TNFSF4: variants seen among roughly 807,000 people sequenced by gnomAD.
The protein encoded by TNFSF4 is TNF superfamily member 4.
Under a neutral mutation model 7.3 loss-of-function variants are expected in TNFSF4, and 4 were observed. The ratio of observed to expected loss-of-function variants is 0.55; its 90% CI spans 0.27 to 1.25. The LOEUF (loss-of-function observed/expected upper bound fraction) is 1.25. Among genes scored for constraint, TNFSF4 ranks in the 50% most tolerant of loss-of-function variants. The pLI is 0.12. For synonymous variants in TNFSF4, 76 were observed against 83.7 expected, an observed-to-expected ratio of 0.91 and a Z score of 0.50; for missense variants, 181 against 208.8, an observed-to-expected ratio of 0.87 and a Z score of 0.82.
the TNFSF4 span, among the ~76,000 whole-genome samples, chr1:173,395,026 AGATAGATAGAT>A: frequency 1.1e-3 from 125 of 118,952 alleles, no homozygotes; most frequent in Middle Eastern, 7.8e-3. Flanking sequence ...ATAGATAGAT[AGATAGATAGAT>A]GATAGATAGA....
At chr1:173,178,056 T>G in the TNFSF4 span, among the ~76,000 whole-genome samples, 1 of 152,174 alleles carries the variant, frequency 6.6e-6, no homozygotes, top group Non-Finnish European at 1.5e-5. Flanking sequence ...CCTCTCCTTA[T>G]TATCCTACCT....
At chr1:173,256,462 C>T in the TNFSF4 span, among the ~76,000 whole-genome samples, 2 of 152,080 alleles carry the variant, frequency 1.3e-5, no homozygotes, top group Non-Finnish European at 1.5e-5. Context: ...CATGACTTCA[C>T]CTAAGCCTAA....
chr1:173,316,750 C>T, the TNFSF4 span, among the ~76,000 whole-genome samples: 1 of 151,924 alleles, frequency 6.6e-6, no homozygotes, highest in Admixed American at 6.6e-5. Context: ...TTAAAATTGA[C>T]ATGTAATCAT....
chr1:173,187,377 C>G (rs1178659605), intron 2 of TNFSF4, among the ~76,000 whole-genome samples: 1 of 152,218 alleles, frequency 6.6e-6, no homozygotes, highest in Admixed American at 6.5e-5. Context: ...CTGCACACTA[C>G]CCATACTCTG....
the TNFSF4 span, among the ~76,000 whole-genome samples, chr1:173,326,393 A>C: frequency 6.6e-6 from 1 of 152,216 alleles, no homozygotes; most frequent in African/African-American, 2.4e-5. Flanking sequence ...ATCCATGACG[A>C]ACCCACAGCC....
the TNFSF4 span, among the ~76,000 whole-genome samples, chr1:173,364,779 A>G: frequency 6.6e-6 from 1 of 152,150 alleles, no homozygotes; most frequent in Admixed American, 6.5e-5. Context: ...TTATACCACT[A>G]ACTGTTCAAG....
At chr1:173,257,797 T>C in the TNFSF4 span, among the ~76,000 whole-genome samples, 71 of 152,222 alleles carry the variant, frequency 4.7e-4, no homozygotes, top group African/African-American at 1.4e-3. Flanking sequence ...AGCTTTGACG[T>C]CCAGAGTTTT....
the TNFSF4 span, among the ~76,000 whole-genome samples, chr1:173,342,541 T>C: frequency 3.3e-5 from 5 of 152,198 alleles, no homozygotes; most frequent in Admixed American, 2.0e-4. Context: ...AACCATCTTA[T>C]GGACATATTA....
At chr1:173,283,196 T>G in the TNFSF4 span, among the ~76,000 whole-genome samples, 1 of 152,126 alleles carries the variant, frequency 6.6e-6, no homozygotes, top group Non-Finnish European at 1.5e-5. Context: ...TCTCCAACTG[T>G]AAAGTAGCTA....
intron 1 of TNFSF4, among the ~76,000 whole-genome samples, chr1:173,200,966 C>T (rs748142873): frequency 6.6e-6 from 1 of 152,202 alleles, no homozygotes; most frequent in Non-Finnish European, 1.5e-5. Context: ...AATTAAGGTG[C>T]ATTTCAGAAT....
the TNFSF4 span, among the ~76,000 whole-genome samples, chr1:173,412,120 A>AG: frequency 6.6e-6 from 1 of 151,308 alleles, no homozygotes; most frequent in Non-Finnish European, 1.5e-5. Context: ...ATCTCAAGAA[A>AG]AAAAAAAAAA....
At chr1:173,299,997 A>G in the TNFSF4 span, among the ~76,000 whole-genome samples, 1 of 151,780 alleles carries the variant, frequency 6.6e-6, no homozygotes, top group East Asian at 1.9e-4. Context: ...CTCAATCTCT[A>G]AAAGGCATAT....
chr1:173,297,446 G>A, the TNFSF4 span, among the ~76,000 whole-genome samples: 29 of 151,922 alleles, frequency 1.9e-4, no homozygotes, highest in Non-Finnish European at 7.4e-5. Context: ...GTTGAGTGCC[G>A]GATTCAATAG....
chr1:173,248,488 GA>G, the TNFSF4 span, among the ~76,000 whole-genome samples: 1 of 147,534 alleles, frequency 6.8e-6, no homozygotes, highest in African/African-American at 2.5e-5. Context: ...AGGAAGGAAG[GA>G]AGGAAAGAAA....
chr1:173,415,619 T>C, the TNFSF4 span, among the ~76,000 whole-genome samples: 3 of 152,276 alleles, frequency 2.0e-5, no homozygotes, highest in African/African-American at 7.2e-5. Context: ...ATCCTGGCCC[T>C]GACTTTGGTG....
chr1:173,198,912 T>C (rs1649826555), intron 1 of TNFSF4, among the ~76,000 whole-genome samples: 1 of 152,166 alleles, frequency 6.6e-6, no homozygotes, highest in Non-Finnish European at 1.5e-5. Context: ...AGGATTATGG[T>C]GGTGACAATG....
At chr1:173,278,721 C>T in the TNFSF4 span, among the ~76,000 whole-genome samples, 2 of 151,986 alleles carry the variant, frequency 1.3e-5, no homozygotes, top group Non-Finnish European at 2.9e-5. Context: ...GGAGGCACAG[C>T]AAGGGGAGGA....
the TNFSF4 span, among the ~76,000 whole-genome samples, chr1:173,339,545 C>T: frequency 6.6e-6 from 1 of 152,088 alleles, no homozygotes; most frequent in African/African-American, 2.4e-5. Flanking sequence ...TGATTGTATG[C>T]ATAGTAAAAT....
chr1:173,377,451 C>T, the TNFSF4 span, among the ~76,000 whole-genome samples: 8,714 of 152,188 alleles, frequency 0.057, 848 homozygotes, highest in African/African-American at 0.2. Flanking sequence ...TCTGGGGTCC[C>T]GACAACAAGT....
Sources: allele counts gnomAD v4.1 joint callset (sites outside exome capture counted in the v4.1 genomes callset), GRCh38; gene constraint gnomAD v4.1.1; transcripts MANE v1.5; gene names NCBI Gene and HGNC (gene_info 2026-07-23, HGNC 2026-07-21).